The following ADGB variants were observed in gnomAD, a reference collection of about 807,000 sequenced individuals.
The protein encoded by ADGB is androglobin, also known as calpain-7-like protein.
A neutral mutation model predicts 210.5 loss-of-function variants in ADGB; 172 were observed. That is an observed-to-expected ratio of 0.82 (90% confidence interval 0.72 to 0.93). The LOEUF is 0.93. Ranked by LOEUF, ADGB falls within the 40% of genes least tolerant of loss-of-function variation. ADGB has a pLI of 0.00. For synonymous variants in ADGB, 658 were observed against 662.7 expected (o/e 0.99, Z 0.11); for missense variants, 2,025 against 1,964.8 (o/e 1.03, Z -0.58).
chr6:146,730,205 T>A (rs1043154695), intron 20 of ADGB, among the ~76,000 whole-genome samples: 20 of 152,176 alleles, frequency 1.3e-4, no homozygotes, highest in African/African-American at 4.8e-4. Flanking sequence ...GACTGGGTGC[T>A]TGGGGTTCTT....
chr6:146,642,760 A>G (rs1405710732), intron 2 of ADGB, among the ~76,000 whole-genome samples: 1 of 151,832 alleles, frequency 6.6e-6, no homozygotes, highest in East Asian at 1.9e-4. Context: ...GATCTACTTG[A>G]TTAGGGAGGC....
chr6:146,688,142 T>TA, intron 10 of ADGB, among the ~76,000 whole-genome samples: 1 of 152,192 alleles, frequency 6.6e-6, no homozygotes, highest in East Asian at 1.9e-4. Flanking sequence ...CCACAAAGCT[T>TA]AGAGTCTAAT....
chr6:146,745,507 T>A (rs1451420162), intron 25 of ADGB, among the ~76,000 whole-genome samples: 4 of 152,246 alleles, frequency 2.6e-5, no homozygotes, highest in African/African-American at 9.6e-5. Flanking sequence ...TTCTTTGAAC[T>A]CTTCTGCTTT....
Position 146,666,911 on chromosome 6 carries a change from G to A in ADGB, c.839+9G>A, listed in dbSNP as rs1040239217. On this transcript the variant is annotated intron_variant, in intron 7 of 35. Coordinates refer to ENST00000397944, the MANE Select transcript of ADGB (RefSeq NM_024694.4). The stretch of plus-strand genomic sequence containing the variant: ...GAAGTCATTTCTCTTCAGTATGTTT[G>A]ACTATTAAATTGCTCATATCTATTT... 1.0e-5 allele frequency: 16 copies of A among 1,528,818 alleles called. No homozygotes were observed. The East Asian group carries it at 3.9e-4, about 38-fold the overall frequency. 94.7% of individuals were successfully genotyped at this position (1,528,818 alleles called of 1,614,324 possible).
rs1776017891 is a variant in ADGB at position 146,672,132 on chromosome 6, G to A, written c.840-88G>A. 6.4e-6 allele frequency: 9 copies of A among 1,399,402 alleles called. No homozygotes were observed. The African/African-American group carries it at 1.0e-4, about 16-fold the overall frequency. The allele number at this position is 1,399,402 out of a possible 1,614,324, so 86.7% of individuals were successfully genotyped here. ...ATTGAAATTATTCATTAAATAGCAA[G>A]TTGATTTTTCTGTCAGTAATTTCTT... On this transcript the variant is annotated intron_variant, in intron 7 of 35. Coordinates refer to ENST00000397944, the MANE Select transcript of ADGB (RefSeq NM_024694.4).
At chr6:146,724,132 A>T in intron 17 of ADGB, 54 bp from the exon 18 acceptor site, 1 of 1,460,516 alleles carries the variant, frequency 6.8e-7, no homozygotes, top group South Asian at 1.4e-5. Context: ...GTACTAGTGA[A>T]TGCCAACTAC....
intron 29 of ADGB, among the ~76,000 whole-genome samples, chr6:146,781,252 A>G (rs940775116): frequency 6.6e-6 from 1 of 151,074 alleles, no homozygotes; most frequent in Admixed American, 6.6e-5. Flanking sequence ...CTGAGGCAGG[A>G]CAATGGCGTG....
At position 146,685,835 on chromosome 6, in the gene ADGB, A is replaced by G. The variant is rs1292873038; in HGVS notation, c.1311+7A>G. ...CTTTTCATTAGAGAAGATGGTAAGC[A>G]TTCAAGCTTAGGAAACAGTATTATT... On this transcript the variant is annotated splice_region_variant and intron_variant, in intron 10 of 35. Transcript: ENST00000397944. 98 of 1,500,668 alleles carry G rather than the reference A, an allele frequency of 6.5e-5. 1 individual carries two copies. In the East Asian group the frequency reaches 2.5e-3, roughly 38 times the overall value. 93.0% of individuals were successfully genotyped at this position (1,500,668 alleles called of 1,614,324 possible). A position where few individuals can be genotyped will look rare whatever the true frequency, so the allele number is the denominator to read the frequency against.
chr6:146,746,925 C>T (rs137922277), intron 26 of ADGB, among the ~76,000 whole-genome samples: 3 of 151,182 alleles, frequency 2.0e-5, no homozygotes, highest in African/African-American at 7.4e-5. Flanking sequence ...CCCCACCTCT[C>T]CACTTAAAAA....
intron 25 of ADGB, among the ~76,000 whole-genome samples, chr6:146,745,353 A>G (rs181253267): frequency 2.0e-5 from 3 of 152,316 alleles, no homozygotes; most frequent in Admixed American, 2.0e-4. Context: ...GCTCTTCCCC[A>G]TCATAAAGTA....
intron 4 of ADGB, among the ~76,000 whole-genome samples, chr6:146,654,997 T>G (rs1454754654): frequency 6.6e-6 from 1 of 152,192 alleles, no homozygotes; most frequent in African/African-American, 2.4e-5. Flanking sequence ...CCACCGTTTC[T>G]CTATCTGTTT....
At chr6:146,789,339 TCAA>T (rs1403531638) in intron 33 of ADGB, among the ~76,000 whole-genome samples, 1 of 152,202 alleles carries the variant, frequency 6.6e-6, no homozygotes, top group Non-Finnish European at 1.5e-5. Flanking sequence ...GTCTCTCACA[TCAA>T]GCTACATCCT....
chr6:146,684,589 T>A (rs2114915079), intron 9 of ADGB, among the ~76,000 whole-genome samples: 1 of 152,262 alleles, frequency 6.6e-6, no homozygotes, highest in East Asian at 1.9e-4. Flanking sequence ...ATAATTATTT[T>A]GCTGCATCCT....
intron 3 of ADGB, among the ~76,000 whole-genome samples, chr6:146,651,708 G>T (rs767935948): frequency 1.3e-5 from 2 of 152,014 alleles, no homozygotes; most frequent in Non-Finnish European, 2.9e-5. Flanking sequence ...TCTGCAGCTG[G>T]GTCTCTATGC....
At chr6:146,733,304 A>G (rs777872823) in intron 21 of ADGB, 49 bp downstream of exon 21, 11 of 1,413,662 alleles carry the variant, frequency 7.8e-6, no homozygotes, top group Non-Finnish European at 1.0e-5. Context: ...AGTTTTAAGT[A>G]AGGTAAATAA....
Position 146,782,066 on chromosome 6 carries a change from C to T in ADGB, c.3909C>T (p.Asp1303=). ...HEELINLGSP[D]SHTISEGQKS... The stretch of plus-strand genomic sequence containing the variant: ...AGTTAATTAACTTAGGAAGCCCAGA[C>T]TCCCACACTATTAGTGAGGGACAAA... Residue 1303 remains aspartate (D), a synonymous_variant, in exon 30 of 36, where the codon GAC becomes GAT. Transcript: ENST00000397944. The T allele has an allele frequency of 5.9e-6, 9 of 1,536,326 alleles. No homozygotes were observed. Among genetic ancestry groups the T allele is most frequent in the Non-Finnish European group, 7.0e-6 (8 of 1,142,006 alleles).
intron 26 of ADGB, among the ~76,000 whole-genome samples, chr6:146,752,077 C>G (rs1028045716): frequency 3.3e-5 from 5 of 152,018 alleles, no homozygotes; most frequent in Admixed American, 6.6e-5. Flanking sequence ...AAAGAAATAC[C>G]TGAGACTGGG....
chr6:146,801,747 A>T, intron 34 of ADGB, 81 bp from the exon 35 acceptor site: 2 of 1,236,366 alleles, frequency 1.6e-6, no homozygotes, highest in East Asian at 2.7e-5. Context: ...GATATGATTT[A>T]AAATTATTTG....
chr6:146,671,651 T>C (rs1437078913), intron 7 of ADGB, among the ~76,000 whole-genome samples: 1 of 152,046 alleles, frequency 6.6e-6, no homozygotes, highest in East Asian at 1.9e-4. Context: ...CTATGTAAAA[T>C]GGCAAGAACA....
Sources: gnomAD v4.1 joint callset for allele counts (sites outside exome capture counted in the v4.1 genomes callset) on GRCh38, gnomAD v4.1.1 for gene constraint, MANE v1.5 for transcripts, NCBI Gene and HGNC (gene_info 2026-07-23, HGNC 2026-07-21) for gene names.